Variants in BBS4 observed in about 807,000 individuals in gnomAD.
BBS4 encodes Bardet-Biedl syndrome 4.
In BBS4, 58 loss-of-function variants were observed where a neutral mutation model predicts 71.4. The observed-to-expected ratio is 0.81, with a 90% CI of 0.66 to 1.01. The LOEUF is 1.01. BBS4 is among the 50% of genes least tolerant of loss of function. The probability of loss-of-function intolerance (pLI) is 0.00; values close to 1 mark genes in which losing one functional copy is unlikely to be tolerated. For missense variants in BBS4, 660 were observed against 607.9 expected, an observed-to-expected ratio of 1.09 and a Z score of -0.90; for synonymous variants, 228 against 216.8, an observed-to-expected ratio of 1.05 and a Z score of -0.46.
At chr15:72,710,043 C>T (rs2065337714) in intron 3 of BBS4, among the ~76,000 whole-genome samples, 1 of 152,016 alleles carries the variant, frequency 6.6e-6, no homozygotes, top group African/African-American at 2.4e-5. Context: ...TGACTGCAGG[C>T]TGTGGGTCAG....
At chr15:72,726,099 CTTCCTTCCTTTCT>C (rs200930175) in intron 8 of BBS4, among the ~76,000 whole-genome samples, 12,309 of 143,864 alleles carry the variant, frequency 0.086, 638 homozygotes, top group Non-Finnish European at 0.12. Context: ...TTCTTCCTTT[CTTCCTTCCTTTCT>C]TTCCTTCCTT....
At chr15:72,737,241 A>C in intron 15 of BBS4, 1 of 616,030 alleles carries the variant, frequency 1.6e-6, no homozygotes, top group East Asian at 2.8e-5. Context: ...CCTGTTATGC[A>C]ATGTTTAATT....
Position 72,738,462 on chromosome 15 carries a change from T to TA in BBS4, c.*879dup. 1 of 362,932 alleles carries TA rather than the reference T, an allele frequency of 2.8e-6. No homozygotes were observed. The highest frequency in any genetic ancestry group is 5.3e-6 in the Non-Finnish European group (1 of 188,344). 22.5% of individuals were successfully genotyped at this position (362,932 alleles called of 1,614,324 possible). A position where few individuals can be genotyped will look rare whatever the true frequency, so the allele number is the denominator to read the frequency against. ...AAAACAAGAGATCATAATAAAAACCTAAAAGAACCTATGATCACGGTCTTC... is the reference window on the plus strand; with the variant it reads ...AAAACAAGAGATCATAATAAAAACCTAAAAAGAACCTATGATCACGGTCTTC... On this transcript the variant is annotated 3_prime_UTR_variant, in exon 16 of 16. Transcript: ENST00000268057.
In BBS4 at chr15:72,687,124, C is replaced by CTTTTTTTTTTTT. The variant is rs1458417621; in HGVS notation, c.24+883_24+884insTTTTTTTTTTTT. On this transcript the variant is annotated intron_variant, in intron 1 of 15. Coordinates refer to ENST00000268057, the MANE Select transcript of BBS4 (RefSeq NM_033028.5). ...AATTAGAAAACTCTGAAGACAGAAA[C>CTTTTTTTTTTTT]TTTTTTTTTTGAGACGGAGTGTCGC... Among the ~76,000 whole-genome samples, 29 of 76,242 alleles carry CTTTTTTTTTTTT rather than the reference C, an allele frequency of 3.8e-4. 6 individuals are homozygous for CTTTTTTTTTTTT. In the East Asian group the frequency reaches 8.4e-3, roughly 22 times the overall value. 50.0% of individuals were successfully genotyped at this position (76,242 alleles called of 152,430 possible).
intron 4 of BBS4, 120 bp downstream of exon 4, chr15:72,712,427 A>G: frequency 1.1e-6 from 1 of 950,854 alleles, no homozygotes; most frequent in South Asian, 1.4e-5. Context: ...AACAATGGAG[A>G]TATGTTCTAA....
chr15:72,703,592 AG>A (rs1437974925), intron 2 of BBS4, among the ~76,000 whole-genome samples: 1 of 152,104 alleles, frequency 6.6e-6, no homozygotes, highest in Non-Finnish European at 1.5e-5. Flanking sequence ...TGAAAATTTT[AG>A]GGGGGATAAA....
chr15:72,691,729 G>A (rs2064987245), intron 1 of BBS4, among the ~76,000 whole-genome samples: 1 of 152,104 alleles, frequency 6.6e-6, no homozygotes, highest in Non-Finnish European at 1.5e-5. Flanking sequence ...ACTTTGGGAG[G>A]CCGAGGCTGC....
rs886706996 is a variant in BBS4, at chr15:72,715,376, T to C, written c.306T>C (p.Asp102=). ...CAGTTCTTAGTCCTCAGAGTGCTGA[T>C]AACCTCAAGCAGGTGGCCAGATCTT... ...TCAVLSPQSA[D]NLKQVARSLF... is the part of the protein sequence containing the mutation. The change falls in exon 5 of 16, where the codon GAT becomes GAC. Residue 102 remains aspartate (D), a synonymous_variant. Coordinates refer to ENST00000268057, the MANE Select transcript of BBS4 (RefSeq NM_033028.5). The C allele has an allele frequency of 6.8e-6, 11 of 1,613,930 alleles. No individual in the cohort carries two copies. The highest frequency in any genetic ancestry group is 7.6e-6 in the Non-Finnish European group (9 of 1,179,818).
chr15:72,686,557 T>A, intron 1 of BBS4: 2 of 1,460,666 alleles, frequency 1.4e-6, no homozygotes, highest in Non-Finnish European at 1.8e-6. Flanking sequence ...GTCTCGGGGG[T>A]TTGGAAGGTA....
Position 72,692,304 on chromosome 15 carries a change from A to AT in BBS4, c.25-2844dup, listed in dbSNP as rs398027909. Among the ~76,000 whole-genome samples the AT allele has an allele frequency of 2.2e-3, 128 of 59,260 alleles. 10 individuals carry two copies. Among genetic ancestry groups the AT allele is most frequent in the African/African-American group, 5.0e-3 (75 of 15,020 alleles). The allele number at this position is 59,260 out of a possible 152,430, so 38.9% of individuals were successfully genotyped here. On this transcript the variant is annotated intron_variant, in intron 1 of 15. Transcript: ENST00000268057. ...TCTTAATGTGATAATTTACATTGCA[A>AT]TTTTTTTTTTTTTTTTTTTTTTTTT...
chr15:72,735,370 C>CT, intron 13 of BBS4, 188 bp downstream of exon 13: 3 of 633,834 alleles, frequency 4.7e-6, no homozygotes, highest in Non-Finnish European at 8.7e-6. Flanking sequence ...AATTGACACT[C>CT]TGAGAAAATG....
At chr15:72,714,769 C>A (rs572549950) in intron 4 of BBS4, among the ~76,000 whole-genome samples, 5 of 152,282 alleles carry the variant, frequency 3.3e-5, no homozygotes, top group Non-Finnish European at 7.3e-5. Flanking sequence ...CTGATAAATT[C>A]TTCTGGAAAC....
chr15:72,735,756 A>G, intron 13 of BBS4, 69 bp from the exon 14 acceptor site: 2 of 1,598,088 alleles, frequency 1.3e-6, no homozygotes, highest in Non-Finnish European at 1.7e-6. Flanking sequence ...TTTTTGTGTA[A>G]TGAGAAGGAT....
intron 2 of BBS4, among the ~76,000 whole-genome samples, chr15:72,701,740 A>C (rs975840987): frequency 1.3e-5 from 2 of 152,192 alleles, no homozygotes; most frequent in Non-Finnish European, 2.9e-5. Context: ...ATGTATTTTT[A>C]AGAAAACCAA....
At chr15:72,704,203 T>C (rs1019800369) in intron 2 of BBS4, among the ~76,000 whole-genome samples, 1 of 152,170 alleles carries the variant, frequency 6.6e-6, no homozygotes, top group Non-Finnish European at 1.5e-5. Context: ...TATAACTCAC[T>C]AAAAGCCATT....
rs76102875 is a variant in BBS4 at position 72,724,859 on chromosome 15, G to A, written c.587+204G>A. Among the ~76,000 whole-genome samples, 67 of 152,184 alleles carry A rather than the reference G, an allele frequency of 4.4e-4. 1 individual carries two copies. In the East Asian group the frequency reaches 0.011, roughly 26 times the overall value. On this transcript the variant is annotated intron_variant, in intron 8 of 15. Coordinates refer to ENST00000268057, the MANE Select transcript of BBS4 (RefSeq NM_033028.5). The stretch of plus-strand genomic sequence containing the variant: ...ACCTATAAGGATGACTGCTGCTTTA[G>A]GTTAGCTGGGCAGCTCTATTCTACA...
intron 2 of BBS4, among the ~76,000 whole-genome samples, chr15:72,697,743 C>T (rs78279911): frequency 0.014 from 2,208 of 152,308 alleles, 25 homozygotes; most frequent in Non-Finnish European, 0.023. Flanking sequence ...CTCTCCCTCA[C>T]TCTTTCCTCC....
chr15:72,717,064 G>A lies in BBS4; in HGVS notation c.405+214G>A, dbSNP rs1168596493. The A allele has an allele frequency of 1.6e-5, 9 of 567,970 alleles. No homozygotes were observed. The South Asian group carries it at 1.9e-4, about 12-fold the overall frequency. The allele number at this position is 567,970 out of a possible 1,614,324, so 35.2% of individuals were successfully genotyped here. A position where few individuals can be genotyped will look rare whatever the true frequency, so the allele number is the denominator to read the frequency against. On this transcript the variant is annotated intron_variant, in intron 6 of 15. Coordinates refer to ENST00000268057, the MANE Select transcript of BBS4 (RefSeq NM_033028.5). ...CATGATTTTCTAGCAGTTTGCTGAC[G>A]AGCAGTCTCTTACCAGTCTGATTCT...
chr15:72,696,316 C>T (rs923736395), intron 2 of BBS4, among the ~76,000 whole-genome samples: 1 of 152,074 alleles, frequency 6.6e-6, no homozygotes, highest in African/African-American at 2.4e-5. Context: ...ATTTATTTAG[C>T]TATTTTAGTT....
Sources: allele counts gnomAD v4.1 joint callset (sites outside exome capture counted in the v4.1 genomes callset), GRCh38; gene constraint gnomAD v4.1.1; transcripts MANE v1.5; gene names NCBI Gene and HGNC (gene_info 2026-07-23, HGNC 2026-07-21).